UQCC1: variants seen among roughly 807,000 people sequenced by gnomAD.
UQCC1 encodes ubiquinol-cytochrome c reductase complex assembly factor 1, also known as bFGF-repressed Zic-binding protein.
In UQCC1, 38 loss-of-function variants were observed where a neutral mutation model predicts 48.0. The observed-to-expected ratio is 0.79, with a 90% CI of 0.61 to 1.04. The LOEUF (loss-of-function observed/expected upper bound fraction) is 1.04. Ranked by LOEUF, UQCC1 falls within the 50% of genes least tolerant of loss-of-function variation. The probability of loss-of-function intolerance (pLI) is 0.00; values close to 1 mark genes in which losing one functional copy is unlikely to be tolerated. For synonymous variants in UQCC1, 111 were observed against 129.2 expected, an observed-to-expected ratio of 0.86 and a Z score of 0.95; for missense variants, 368 against 381.8, an observed-to-expected ratio of 0.96 and a Z score of 0.30.
At chr20:35,401,020 G>A (rs1055074875) in intron 1 of UQCC1, among the ~76,000 whole-genome samples, 2 of 152,000 alleles carry the variant, frequency 1.3e-5, no homozygotes, top group African/African-American at 2.4e-5. Flanking sequence ...CAGGTGTAGC[G>A]GATTCTAGTT....
intron 5 of UQCC1, among the ~76,000 whole-genome samples, chr20:35,370,109 C>A (rs1047825199): frequency 1.3e-4 from 20 of 152,192 alleles, no homozygotes; most frequent in Non-Finnish European, 7.3e-5. Context: ...TAAGAAACAG[C>A]GGGCTGCTGA....
intron 2 of UQCC1, among the ~76,000 whole-genome samples, chr20:35,393,649 C>A (rs2062039117): frequency 6.6e-6 from 1 of 151,118 alleles, no homozygotes; most frequent in African/African-American, 2.5e-5. Flanking sequence ...TCAGGAGGGA[C>A]ACAAGGTCCA....
intron 6 of UQCC1, among the ~76,000 whole-genome samples, chr20:35,363,649 C>T (rs1674597452): frequency 6.6e-6 from 1 of 152,172 alleles, no homozygotes; most frequent in South Asian, 2.1e-4. Flanking sequence ...CTAAGCAAAC[C>T]TTCTGAAATG....
intron 1 of UQCC1, among the ~76,000 whole-genome samples, chr20:35,404,064 C>G (rs2062209634): frequency 1.3e-5 from 2 of 150,992 alleles, no homozygotes; most frequent in Admixed American, 1.3e-4. Flanking sequence ...GGTGAAACCC[C>G]ATCTCTACTA....
intron 7 of UQCC1, among the ~76,000 whole-genome samples, chr20:35,326,775 C>CT (rs1320274008): frequency 6.6e-6 from 1 of 152,132 alleles, no homozygotes; most frequent in Non-Finnish European, 1.5e-5. Context: ...CACTACTTGG[C>CT]TTTTTTAATT....
intron 2 of UQCC1, among the ~76,000 whole-genome samples, chr20:35,387,678 T>C (rs1333755684): frequency 1.3e-5 from 2 of 152,160 alleles, no homozygotes; most frequent in Non-Finnish European, 1.5e-5. Flanking sequence ...TAACTCAGAA[T>C]AACAACACTT....
chr20:35,374,313 CATTAG>C, intron 4 of UQCC1, 57 bp from the exon 5 acceptor site: 2 of 1,320,104 alleles, frequency 1.5e-6, no homozygotes, highest in Non-Finnish European at 2.2e-6. Flanking sequence ...GTTCTACTTC[CATTAG>C]ACATGGGTCA....
chr20:35,384,128 G>C lies in UQCC1; in HGVS notation c.135C>G (p.Pro45=). Residue 45 remains proline, a synonymous_variant, in exon 3 of 10, where the codon CCC becomes CCG. Coordinates refer to ENST00000374385, the MANE Select transcript of UQCC1 (RefSeq NM_018244.5). ...DRALSRTSQW[P]QMSQSRACGG... is the part of the protein sequence containing the mutation. ...CACATGCTCGGGACTGGCTCATCTG[G>C]GGCCACTGAAGAATAAAAACACAGA... 6.2e-7 allele frequency: 1 copy of C among 1,611,742 alleles called. No individual in the cohort carries two copies. Among genetic ancestry groups the C allele is most frequent in the Non-Finnish European group, 8.5e-7 (1 of 1,178,192 alleles).
Position 35,407,643 on chromosome 20 carries a change from C to T in UQCC1, c.24+4297G>A, listed in dbSNP as rs182389841. On this transcript the variant is annotated intron_variant, in intron 1 of 9. Coordinates refer to ENST00000374385, the MANE Select transcript of UQCC1 (RefSeq NM_018244.5). ...GCTCATGCCTGTAATCCTTGCACTT[C>T]GGGAGGCCAAGGCGGGTGGATCACC... is the stretch of plus-strand genomic sequence containing the variant. 4.2e-3 allele frequency among the ~76,000 whole-genome samples: 635 copies of T among 152,124 alleles called. 8 individuals are homozygous for T. The highest frequency in any genetic ancestry group is 0.015 in the African/African-American group (617 of 41,506).
chr20:35,364,724 A>G (rs543099554), intron 6 of UQCC1, among the ~76,000 whole-genome samples: 7 of 152,256 alleles, frequency 4.6e-5, no homozygotes, highest in Non-Finnish European at 1.0e-4. Flanking sequence ...AAGATTAAGC[A>G]GGCACAGTTT....
At chr20:35,306,942 C>A in intron 8 of UQCC1, 163 bp from the exon 9 acceptor site, 1 of 682,716 alleles carries the variant, frequency 1.5e-6, no homozygotes, top group Non-Finnish European at 2.7e-6. Context: ...TGGAAGGGGT[C>A]TTACAAGGGT....
intron 9 of UQCC1, chr20:35,306,379 C>T (rs553120526): frequency 2.6e-5 from 10 of 378,360 alleles, no homozygotes; most frequent in East Asian, 2.3e-4. Context: ...TAGCACTGGG[C>T]GCACAGTAGG....
chr20:35,341,026 C>T (rs1417255877), intron 7 of UQCC1, among the ~76,000 whole-genome samples: 1 of 151,840 alleles, frequency 6.6e-6, no homozygotes, highest in Non-Finnish European at 1.5e-5. Flanking sequence ...GTCAGGAGTT[C>T]GAGACCAGTC....
At chr20:35,339,938 A>G (rs1269441264) in intron 7 of UQCC1, among the ~76,000 whole-genome samples, 1 of 152,130 alleles carries the variant, frequency 6.6e-6, no homozygotes, top group African/African-American at 2.4e-5. Context: ...AGTTCCAGAT[A>G]TCAAAACATT....
At chr20:35,367,299 T>C (rs1226362988) in intron 5 of UQCC1, among the ~76,000 whole-genome samples, 1 of 152,056 alleles carries the variant, frequency 6.6e-6, no homozygotes, top group Non-Finnish European at 1.5e-5. Context: ...TACAGTATTT[T>C]CCCTCCATGG....
intron 7 of UQCC1, among the ~76,000 whole-genome samples, chr20:35,324,789 A>G (rs897454657): frequency 1.3e-5 from 2 of 152,240 alleles, no homozygotes; most frequent in Non-Finnish European, 2.9e-5. Context: ...GTTTCTCAAA[A>G]GGCTGAACAT....
chr20:35,347,365 A>C, intron 6 of UQCC1, 93 bp from the exon 7 acceptor site: 2 of 1,473,680 alleles, frequency 1.4e-6, no homozygotes. Context: ...GAGTGAGTTT[A>C]GCAAAGGGCA....
In UQCC1 at chr20:35,396,284, CTTTTTT is replaced by C. The variant is rs34830667; in HGVS notation, c.25-2094_25-2089del. ...ACAGATGTGAGCCACTGTGCCTGGC[CTTTTTT>C]TTTTTTTTTTTTTTTTTAAGAGACA... On this transcript the variant is annotated intron_variant, in intron 1 of 9. Transcript: ENST00000374385. Among the ~76,000 whole-genome samples, 7 of 94,376 alleles carry C rather than the reference CTTTTTT, an allele frequency of 7.4e-5. No individual in the cohort carries two copies. The South Asian group carries it at 2.3e-3, about 30-fold the overall frequency. 61.9% of individuals were successfully genotyped at this position (94,376 alleles called of 152,430 possible).
chr20:35,397,492 G>A (rs1272189828), intron 1 of UQCC1, among the ~76,000 whole-genome samples: 1 of 148,292 alleles, frequency 6.7e-6, no homozygotes, highest in African/African-American at 2.5e-5. Flanking sequence ...CTCCAGCCTG[G>A]GTGACAGAGC....
Sources: allele counts gnomAD v4.1 joint callset (sites outside exome capture counted in the v4.1 genomes callset), GRCh38; gene constraint gnomAD v4.1.1; transcripts MANE v1.5; gene names NCBI Gene and HGNC (gene_info 2026-07-23, HGNC 2026-07-21).